ZNF860: variants seen among roughly 807,000 people sequenced by gnomAD.
ZNF860 encodes zinc finger protein 860.
For missense variants in ZNF860, 641 were observed against 759.2 expected (o/e 0.84, Z 1.83); for synonymous variants, 206 against 248.9 (o/e 0.83, Z 1.62).
chr3:31,988,864 G>A lies in ZNF860; in HGVS notation c.-216G>A. On this transcript the variant is annotated 5_prime_UTR_variant, in exon 2 of 2. Coordinates refer to ENST00000360311, the MANE Select transcript of ZNF860 (RefSeq NM_001137674.3). ...GAGATGACTGCAGCCATGACCCACA[G>A]CTTGACTACAACCCAGAGAGACACT... The A allele has an allele frequency of 1.6e-6, 1 of 615,530 alleles. No homozygotes were observed. The highest frequency in any genetic ancestry group is 2.8e-6 in the Non-Finnish European group (1 of 355,984). The allele number at this position is 615,530 out of a possible 1,614,324, so 38.1% of individuals were successfully genotyped here.
chr3:31,989,503 G>A lies in ZNF860; in HGVS notation c.424G>A (p.Asp142Asn), dbSNP rs772678376. The A allele has an allele frequency of 6.8e-6, 11 of 1,614,072 alleles. No homozygotes were observed. The highest frequency in any genetic ancestry group is 5.0e-5 in the Admixed American group (3 of 59,998). Residue 142 changes from aspartate (D) to asparagine (N), a missense_variant, in exon 2 of 2, where the codon GAT (aspartate) becomes AAT (asparagine). By Grantham distance (23) the Asp-to-Asn change is conservative. Coordinates refer to ENST00000360311, the MANE Select transcript of ZNF860 (RefSeq NM_001137674.3). ...KKLTGSTDRY[D>N]RRHPGNKPIK... Reference sequence around the variant, plus strand: ...GTTGACTGGTAGCACCGACAGATATGATCGAAGGCATCCTGGAAACAAGCC... The same window carrying A: ...GTTGACTGGTAGCACCGACAGATATAATCGAAGGCATCCTGGAAACAAGCC...
Position 31,990,272 on chromosome 3 carries a change from A to G in ZNF860, c.1193A>G (p.Tyr398Cys), listed in dbSNP as rs771519109. Residue 398 changes from tyrosine (Y) to cysteine (C), a missense_variant, in exon 2 of 2, where the codon TAT becomes TGT. Transcript: ENST00000360311. ...GCAATCCATGGTATAGGGAAACTTT[A>G]TAAATGTAATGATTGTCACAAAGTC... ...HQAIHGIGKL[Y>C]KCNDCHKVFS... The G allele has an allele frequency of 3.1e-6, 5 of 1,613,982 alleles. No individual in the cohort carries two copies. In the African/African-American group the frequency reaches 5.3e-5, roughly 17 times the overall value.
chr3:31,992,578 T>A (rs1044321672), downstream of ZNF860, among the ~76,000 whole-genome samples: 7 of 152,316 alleles, frequency 4.6e-5, no homozygotes, highest in South Asian at 1.0e-3. Context: ...GGTTCTGTCA[T>A]TGCATCTCCT....
Position 31,991,720 on chromosome 3 carries a change from A to T in ZNF860, c.*742A>T, listed in dbSNP as rs1014623982. 6.4e-6 allele frequency: 1 copy of T among 157,066 alleles called. No individual in the cohort carries two copies. The highest frequency in any genetic ancestry group is 2.4e-5 in the African/African-American group (1 of 41,438). 9.7% of individuals were successfully genotyped at this position (157,066 alleles called of 1,614,324 possible). On this transcript the variant is annotated 3_prime_UTR_variant, in exon 2 of 2. Transcript: ENST00000360311. ...TTTTACTTCTTTCTTTCTGAAAAAA[A>T]AAATGGATAACTAATACAGATGCCT...
At chr3:32,001,538 G>A in the ZNF860 span, among the ~76,000 whole-genome samples, 1 of 152,210 alleles carries the variant, frequency 6.6e-6, no homozygotes, top group East Asian at 1.9e-4. Flanking sequence ...TTAATTAATA[G>A]GGAAACCAGT....
In ZNF860 at chr3:31,989,294, A is replaced by G. The variant is rs1244109545; in HGVS notation, c.215A>G (p.Lys72Arg). Residue 72 changes from lysine (K) to arginine (R), a missense_variant, in exon 2 of 2, where the codon AAG becomes AGG. By Grantham distance (26) the Lys-to-Arg change is conservative. Coordinates refer to ENST00000360311, the MANE Select transcript of ZNF860 (RefSeq NM_001137674.3). ...GATATCTCTTCCAAATGCATGATGA[A>G]GAAGTTCTCATCAACAGCGCAAGGC... ...SVDISSKCMMKKFSSTAQGNT... is the reference protein window; with the variant it reads ...SVDISSKCMMRKFSSTAQGNT... The G allele has an allele frequency of 1.9e-6, 3 of 1,614,100 alleles. No individual in the cohort carries two copies. The highest frequency in any genetic ancestry group is 2.7e-5 in the African/African-American group (2 of 74,930).
intron 1 of ZNF860, among the ~76,000 whole-genome samples, chr3:31,986,670 T>C (rs1698938282): frequency 6.6e-6 from 1 of 152,192 alleles, no homozygotes; most frequent in South Asian, 2.1e-4. Flanking sequence ...ATTATTATTT[T>C]ATTAAATAGA....
Position 31,990,129 on chromosome 3 carries a change from T to A in ZNF860, c.1050T>A (p.Ala350=). ...ACAAATGTAAGGTTTGTGAAAAGGC[T>A]TTCAGGCGTGATTCACACCTCACAC... ...KPYKCKVCEK[A]FRRDSHLTQH... Residue 350 remains alanine, a synonymous_variant, in exon 2 of 2, where the codon GCT becomes GCA. Transcript: ENST00000360311. The A allele has an allele frequency of 6.2e-7, 1 of 1,611,518 alleles. No individual in the cohort carries two copies. The highest frequency in any genetic ancestry group is 1.3e-5 in the African/African-American group (1 of 74,760).
chr3:32,004,900 T>C, the ZNF860 span, among the ~76,000 whole-genome samples: 1 of 152,212 alleles, frequency 6.6e-6, no homozygotes, highest in Non-Finnish European at 1.5e-5. Flanking sequence ...GTCATCAGCC[T>C]GTTTTATTTT....
Position 31,991,200 on chromosome 3 carries a change from C to T in ZNF860, c.*222C>T. The stretch of plus-strand genomic sequence containing the variant: ...GTGGCTTATACCTGTAATCCCAGCA[C>T]TGTGGGAGGTCAAGACGGATAGATC... On this transcript the variant is annotated 3_prime_UTR_variant, in exon 2 of 2. Transcript: ENST00000360311. The T allele has an allele frequency of 1.8e-6, 1 of 542,102 alleles. No individual in the cohort carries two copies. Among genetic ancestry groups the T allele is most frequent in the Non-Finnish European group, 3.3e-6 (1 of 302,400 alleles). 33.6% of individuals were successfully genotyped at this position (542,102 alleles called of 1,614,324 possible). A position where few individuals can be genotyped will look rare whatever the true frequency, so the allele number is the denominator to read the frequency against.
At chr3:31,996,650 CT>C (rs1699092795), downstream of ZNF860, among the ~76,000 whole-genome samples, 1 of 152,156 alleles carries the variant, frequency 6.6e-6, no homozygotes, top group East Asian at 1.9e-4. Flanking sequence ...CAGAAAGAAG[CT>C]GTTGCCGGGT....
At chr3:32,004,155 G>T in the ZNF860 span, among the ~76,000 whole-genome samples, 2 of 152,010 alleles carry the variant, frequency 1.3e-5, no homozygotes, top group Non-Finnish European at 2.9e-5. Flanking sequence ...AAAAATTAAC[G>T]AGTGTCCATG....
the ZNF860 span, among the ~76,000 whole-genome samples, chr3:31,999,946 C>T: frequency 6.6e-6 from 1 of 152,148 alleles, no homozygotes; most frequent in Admixed American, 6.5e-5. Flanking sequence ...TCATAAGAGC[C>T]TCTTCTAAAA....
chr3:32,006,031 G>A, the ZNF860 span, among the ~76,000 whole-genome samples: 3 of 151,694 alleles, frequency 2.0e-5, no homozygotes, highest in African/African-American at 4.8e-5. Context: ...TGCAGCCTCC[G>A]CCTCCCAGGT....
the ZNF860 span, among the ~76,000 whole-genome samples, chr3:32,005,019 A>G: frequency 6.6e-6 from 1 of 152,206 alleles, no homozygotes; most frequent in African/African-American, 2.4e-5. Context: ...CAGAAGTGGT[A>G]TCACACCGTA....
At chr3:31,995,608 A>C (rs1699083608), downstream of ZNF860, among the ~76,000 whole-genome samples, 1 of 152,228 alleles carries the variant, frequency 6.6e-6, no homozygotes, top group African/African-American at 2.4e-5. Flanking sequence ...TAACGCAATC[A>C]TCACAGTGGT....
Position 31,989,811 on chromosome 3 carries a change from C to G in ZNF860, c.732C>G (p.Leu244=). The change falls in exon 2 of 2, where the codon CTC becomes CTG. Residue 244 remains leucine (L), a synonymous_variant. Transcript: ENST00000360311. ...ESGKAFNCSS[L]LRKHQIIYLG... ...GCAAAGCCTTTAATTGTAGCTCACT[C>G]TTAAGGAAACATCAGATAATCTATT... is the stretch of plus-strand genomic sequence containing the variant. 5 of 1,613,948 alleles carry G rather than the reference C, an allele frequency of 3.1e-6. No individual in the cohort carries two copies. The highest frequency in any genetic ancestry group is 4.2e-6 in the Non-Finnish European group (5 of 1,179,966).
chr3:31,983,946 T>A (rs1174152755), intron 1 of ZNF860, among the ~76,000 whole-genome samples: 1 of 152,148 alleles, frequency 6.6e-6, no homozygotes. Context: ...GTTTAACAAT[T>A]GTAGGGCCAG....
At chr3:32,003,458 T>C in the ZNF860 span, among the ~76,000 whole-genome samples, 1 of 152,178 alleles carries the variant, frequency 6.6e-6, no homozygotes, top group African/African-American at 2.4e-5. Flanking sequence ...CCATCCTGTT[T>C]CCTGAGGACA....
Sources: gnomAD v4.1 joint callset for allele counts (sites outside exome capture counted in the v4.1 genomes callset) on GRCh38, gnomAD v4.1.1 for gene constraint, MANE v1.5 for transcripts, NCBI Gene and HGNC (gene_info 2026-07-23, HGNC 2026-07-21) for gene names.